Variants in PIP5K1B observed in about 807,000 individuals in gnomAD.
The protein encoded by PIP5K1B is phosphatidylinositol-4-phosphate 5-kinase type 1 beta, also known as phosphatidylinositol 4-phosphate 5-kinase type-1 beta.
A neutral mutation model predicts 67.0 loss-of-function variants in PIP5K1B; 42 were observed. The ratio of observed to expected loss-of-function variants is 0.63; its 90% confidence interval spans 0.49 to 0.81. The LOEUF is 0.81. Ranked by LOEUF, PIP5K1B falls within the 30% of genes least tolerant of loss-of-function variation. PIP5K1B has a pLI of 0.00. For synonymous variants in PIP5K1B, 214 were observed against 231.4 expected (o/e 0.92, Z 0.68); for missense variants, 459 against 646.3 (o/e 0.71, Z 3.14).
At position 68,954,600 on chromosome 9, in the gene PIP5K1B, C is replaced by A. The variant is rs1238943982; in HGVS notation, c.1502+13810C>A. On this transcript the variant is annotated intron_variant, in intron 14 of 15. Coordinates refer to ENST00000265382, the MANE Select transcript of PIP5K1B (RefSeq NM_003558.4). The stretch of plus-strand genomic sequence containing the variant: ...TGAAAAGGCTATTTTTCAAAGAGTT[C>A]TTTGTATCTTAGCTTTGATTGGTAT... Among the ~76,000 whole-genome samples, 29 of 152,140 alleles carry A rather than the reference C, an allele frequency of 1.9e-4. 1 individual carries two copies. The highest frequency in any genetic ancestry group is 1.9e-3 in the Admixed American group (29 of 15,276).
intron 4 of PIP5K1B, among the ~76,000 whole-genome samples, chr9:68,823,698 G>A (rs1003701456): frequency 2.6e-5 from 4 of 152,148 alleles, no homozygotes; most frequent in Non-Finnish European, 5.9e-5. Flanking sequence ...CAAAGTTCTT[G>A]CTATTTTGCC....
intron 2 of PIP5K1B, chr9:68,784,758 A>T (rs1339959079): frequency 6.5e-6 from 1 of 154,670 alleles, no homozygotes; most frequent in East Asian, 1.9e-4. Context: ...CAGAGAACAG[A>T]AGAAAGAGTT....
In PIP5K1B at chr9:68,886,347, AC is replaced by A. The variant is rs111890736; in HGVS notation, c.319-2632del. Among the ~76,000 whole-genome samples the A allele has an allele frequency of 3.3e-5, 5 of 152,284 alleles. 1 individual carries two copies. Among genetic ancestry groups the A allele is most frequent in the African/African-American group, 1.2e-4 (5 of 41,558 alleles). Reference sequence around the variant, plus strand: ...ATTAATAAACACTGAGCTTAATAAAACCAAAAACAGACTTCTTTGCTGGTTT... The same window carrying A: ...ATTAATAAACACTGAGCTTAATAAAACAAAAACAGACTTCTTTGCTGGTTT... On this transcript the variant is annotated intron_variant, in intron 6 of 15. Transcript: ENST00000265382.
At chr9:68,788,553 C>A (rs781708356) in intron 2 of PIP5K1B, 3 of 275,992 alleles carry the variant, frequency 1.1e-5, no homozygotes, top group East Asian at 2.4e-4. Flanking sequence ...AGTGGTTCCA[C>A]AGAACAATGG....
chr9:68,965,904 G>A (rs1489141374), intron 14 of PIP5K1B, among the ~76,000 whole-genome samples: 1 of 151,254 alleles, frequency 6.6e-6, no homozygotes, highest in Non-Finnish European at 1.5e-5. Flanking sequence ...AACCCAGGAG[G>A]CGGAAGTTGT....
At chr9:68,731,712 G>A (rs188710628) in intron 1 of PIP5K1B, among the ~76,000 whole-genome samples, 2 of 152,302 alleles carry the variant, frequency 1.3e-5, no homozygotes, top group East Asian at 3.9e-4. Flanking sequence ...GACAGCCTTA[G>A]GATTGCAAAT....
chr9:68,891,345 A>G (rs760981639), intron 7 of PIP5K1B, among the ~76,000 whole-genome samples: 1 of 152,208 alleles, frequency 6.6e-6, no homozygotes, highest in Non-Finnish European at 1.5e-5. Context: ...AAAAAATGTG[A>G]ACGTCACGTG....
intron 4 of PIP5K1B, among the ~76,000 whole-genome samples, chr9:68,842,045 C>A (rs139530124): frequency 1.3e-5 from 2 of 152,354 alleles, no homozygotes; most frequent in East Asian, 3.9e-4. Context: ...TCATCTCCAG[C>A]ACTTCTGATG....
intron 15 of PIP5K1B, among the ~76,000 whole-genome samples, chr9:69,003,250 A>G (rs1830903700): frequency 1.3e-5 from 2 of 152,138 alleles, no homozygotes; most frequent in African/African-American, 4.8e-5. Context: ...CCTGGAAAAA[A>G]AGAGAATTCA....
chr9:68,991,267 T>G lies in PIP5K1B; in HGVS notation c.1620+10T>G, dbSNP rs1187256016. On this transcript the variant is annotated intron_variant, in intron 15 of 15. Transcript: ENST00000265382. ...GCTTGACGTCTATTTAGTAAGTAATTTTTTAGTTTCCTCTCCTCCACTTCT... is the reference window on the plus strand; with the variant it reads ...GCTTGACGTCTATTTAGTAAGTAATGTTTTAGTTTCCTCTCCTCCACTTCT... 1 of 1,465,848 alleles carries G rather than the reference T, an allele frequency of 6.8e-7. No homozygotes were observed. Among genetic ancestry groups the G allele is most frequent in the Non-Finnish European group, 9.6e-7 (1 of 1,044,900 alleles). The allele number at this position is 1,465,848 out of a possible 1,614,324, so 90.8% of individuals were successfully genotyped here. A position where few individuals can be genotyped will look rare whatever the true frequency, so the allele number is the denominator to read the frequency against.
At chr9:68,739,311 G>T (rs1209821338) in intron 1 of PIP5K1B, among the ~76,000 whole-genome samples, 1 of 152,026 alleles carries the variant, frequency 6.6e-6, no homozygotes, top group Non-Finnish European at 1.5e-5. Context: ...CTGCTCTTAT[G>T]GGACGCAACA....
intron 12 of PIP5K1B, among the ~76,000 whole-genome samples, chr9:68,930,365 GT>G (rs1422514862): frequency 6.6e-6 from 1 of 151,900 alleles, no homozygotes; most frequent in Non-Finnish European, 1.5e-5. Context: ...CCACCCCAGA[GT>G]CTGCCTCTCT....
At chr9:68,970,586 A>G (rs192280524) in intron 14 of PIP5K1B, among the ~76,000 whole-genome samples, 88 of 152,350 alleles carry the variant, frequency 5.8e-4, no homozygotes, top group African/African-American at 2.1e-3. Flanking sequence ...CCCTCACTAT[A>G]TATCGTATTC....
intron 4 of PIP5K1B, among the ~76,000 whole-genome samples, chr9:68,833,002 G>C (rs550883202): frequency 3.9e-5 from 6 of 152,130 alleles, no homozygotes; most frequent in Non-Finnish European, 5.9e-5. Flanking sequence ...TTTGACTTAC[G>C]TCCATGTACT....
In PIP5K1B at chr9:68,887,979, C is replaced by CT. The variant is rs71353088; in HGVS notation, c.319-984dup. On this transcript the variant is annotated intron_variant, in intron 6 of 15. Transcript: ENST00000265382. ...GAAGGAGTGGAGACTGGAATCCAGCCTTTTTTTTTTTTTTTTTTGAGCAGA... is the reference window on the plus strand; with the variant it reads ...GAAGGAGTGGAGACTGGAATCCAGCCTTTTTTTTTTTTTTTTTTTGAGCAGA... Among the ~76,000 whole-genome samples, 137 of 107,148 alleles carry CT rather than the reference C, an allele frequency of 1.3e-3. 2 individuals carry two copies. The highest frequency in any genetic ancestry group is 3.5e-3 in the East Asian group (14 of 4,028). The allele number at this position is 107,148 out of a possible 152,430, so 70.3% of individuals were successfully genotyped here. A position where few individuals can be genotyped will look rare whatever the true frequency, so the allele number is the denominator to read the frequency against.
intron 5 of PIP5K1B, 110 bp downstream of exon 5, chr9:68,864,077 A>G (rs933832706): frequency 4.0e-5 from 39 of 970,986 alleles, no homozygotes; most frequent in African/African-American, 1.3e-4. Flanking sequence ...ACAGATGTGA[A>G]TATTGGGCCT....
chr9:68,800,467 G>A (rs1832542605), intron 2 of PIP5K1B, among the ~76,000 whole-genome samples: 1 of 152,162 alleles, frequency 6.6e-6, no homozygotes, highest in Non-Finnish European at 1.5e-5. Context: ...AGTACCTTGG[G>A]TTCAACAGAC....
chr9:68,767,614 GAAAA>G (rs1830496263), intron 2 of PIP5K1B, among the ~76,000 whole-genome samples: 1 of 127,108 alleles, frequency 7.9e-6, no homozygotes, highest in Non-Finnish European at 1.7e-5. Context: ...AAAAAAAAAA[GAAAA>G]AGAAATAATT....
At chr9:68,734,297 A>C (rs1278483924) in intron 1 of PIP5K1B, among the ~76,000 whole-genome samples, 1 of 152,234 alleles carries the variant, frequency 6.6e-6, no homozygotes, top group Admixed American at 6.5e-5. Context: ...CATGTGAGAC[A>C]CAACCAACTG....
Sources: allele counts gnomAD v4.1 joint callset (sites outside exome capture counted in the v4.1 genomes callset), GRCh38; gene constraint gnomAD v4.1.1; transcripts MANE v1.5; gene names NCBI Gene and HGNC (gene_info 2026-07-23, HGNC 2026-07-21).